CALR: variants seen among roughly 807,000 people sequenced by gnomAD.
CALR encodes the protein CRP55.
CALR carries 15 observed loss-of-function variants against 51.1 expected under a neutral mutation model. That is an observed-to-expected ratio of 0.29 (90% CI 0.20 to 0.45). The LOEUF is 0.45. Ranked by LOEUF, CALR falls within the 20% of genes least tolerant of loss-of-function variation. The pLI, the probability that CALR is intolerant of heterozygous loss-of-function variation, is 1.00. For missense variants in CALR, 477 were observed against 530.6 expected (o/e 0.90, Z 0.99); for synonymous variants, 239 against 205.9 (o/e 1.16, Z -1.38).
chr19:12,939,579 T>C lies in CALR; in HGVS notation c.345T>C (p.Asn115=). 6.2e-7 allele frequency: 1 copy of C among 1,614,112 alleles called. No homozygotes were observed. Among genetic ancestry groups the C allele is most frequent in the Non-Finnish European group, 8.5e-7 (1 of 1,180,018 alleles). ...CGGGYVKLFP[N]SLDQTDMHGD... is the part of the protein sequence containing the mutation. ...GCGGCTATGTGAAGCTGTTTCCTAA[T>C]AGTTTGGACCAGACAGACATGCACG... The change falls in exon 3 of 9, where the codon AAT becomes AAC. Residue 115 remains asparagine, a synonymous_variant. Coordinates refer to ENST00000316448, the MANE Select transcript of CALR (RefSeq NM_004343.4).
chr19:12,943,399 A>C (rs1338140775), intron 7 of CALR, 138 bp from the exon 8 acceptor site: 1 of 775,454 alleles, frequency 1.3e-6, no homozygotes, highest in African/African-American at 1.7e-5. Context: ...TTTTAACTGC[A>C]GTGTCAGCGG....
At position 12,944,191 on chromosome 19, in the gene CALR, T is replaced by A. The variant is rs546277059; in HGVS notation, c.*278T>A. ...TGATCAACATCTTTTCTTGCCTCTG[T>A]CCCCTTCTCTCATCTCTTAGCTCCC... On this transcript the variant is annotated 3_prime_UTR_variant, in exon 9 of 9. Transcript: ENST00000316448. 14 of 539,996 alleles carry A rather than the reference T, an allele frequency of 2.6e-5. No individual in the cohort carries two copies. In the African/African-American group the frequency reaches 2.7e-4, roughly 10 times the overall value. 33.5% of individuals were successfully genotyped at this position (539,996 alleles called of 1,614,324 possible).
chr19:12,942,168 G>A (rs1386313932), intron 7 of CALR, among the ~76,000 whole-genome samples: 1 of 151,868 alleles, frequency 6.6e-6, no homozygotes, highest in Non-Finnish European at 1.5e-5. Context: ...GACCATCCTG[G>A]CTAACATGGT....
intron 7 of CALR, among the ~76,000 whole-genome samples, chr19:12,941,996 G>A (rs1010054439): frequency 2.6e-5 from 4 of 152,078 alleles, no homozygotes; most frequent in Non-Finnish European, 4.4e-5. Context: ...CTGGGGCATC[G>A]AGGCTGCAGT....
rs773666399 is a variant in CALR, at chr19:12,940,532, A to G, written c.703-9A>G. The G allele has an allele frequency of 3.1e-6, 5 of 1,613,402 alleles. No individual in the cohort carries two copies. Among genetic ancestry groups the G allele is most frequent in the Non-Finnish European group, 3.4e-6 (4 of 1,179,604 alleles). On this transcript the variant is annotated splice_polypyrimidine_tract_variant and intron_variant, in intron 5 of 8. Coordinates refer to ENST00000316448, the MANE Select transcript of CALR (RefSeq NM_004343.4). ...TGGGCCAACTCTGATCTCTTCATCT[A>G]CCCCCCAGGACTGGGACAAGCCCGA...
rs767866498 is a variant in CALR at position 12,943,926 on chromosome 19, C to G, written c.*13C>G. ...GGACGAGCTGTAGAGAGGCCTGCCTCCAGGGCTGGACTGAGGCCTGAGCGC... is the reference window on the plus strand; with the variant it reads ...GGACGAGCTGTAGAGAGGCCTGCCTGCAGGGCTGGACTGAGGCCTGAGCGC... On this transcript the variant is annotated 3_prime_UTR_variant, in exon 9 of 9. Transcript: ENST00000316448. 1 of 1,603,948 alleles carries G rather than the reference C, an allele frequency of 6.2e-7. No homozygotes were observed. Among genetic ancestry groups the G allele is most frequent in the Non-Finnish European group, 8.5e-7 (1 of 1,176,658 alleles).
intron 7 of CALR, chr19:12,943,333 C>T: frequency 3.3e-6 from 2 of 614,768 alleles, no homozygotes; most frequent in South Asian, 3.6e-5. Flanking sequence ...ATCCGCCCAC[C>T]TTGGCCTCTG....
In CALR at chr19:12,944,007, C is replaced by T. The variant is rs542543565; in HGVS notation, c.*94C>T. Reference sequence around the variant, plus strand: ...TGTCTCTGTGAGACTCGAGAACTTTCATTTTTTTCCAGGCTGGTTCGGATT... The same window carrying T: ...TGTCTCTGTGAGACTCGAGAACTTTTATTTTTTTCCAGGCTGGTTCGGATT... On this transcript the variant is annotated 3_prime_UTR_variant, in exon 9 of 9. Coordinates refer to ENST00000316448, the MANE Select transcript of CALR (RefSeq NM_004343.4). 3 of 1,557,916 alleles carry T rather than the reference C, an allele frequency of 1.9e-6. No individual in the cohort carries two copies. The South Asian group carries it at 3.5e-5, about 18-fold the overall frequency.
intron 3 of CALR, 141 bp from the exon 4 acceptor site, chr19:12,939,912 G>A: frequency 6.7e-6 from 5 of 751,564 alleles, no homozygotes; most frequent in Non-Finnish European, 1.2e-5. Flanking sequence ...GCCCATTCAG[G>A]ACAGAATCAG....
chr19:12,944,228 G>A lies in CALR; in HGVS notation c.*315G>A. The A allele has an allele frequency of 2.1e-6, 1 of 479,958 alleles. No homozygotes were observed. The highest frequency in any genetic ancestry group is 3.8e-6 in the Non-Finnish European group (1 of 263,592). 29.7% of individuals were successfully genotyped at this position (479,958 alleles called of 1,614,324 possible). A position where few individuals can be genotyped will look rare whatever the true frequency, so the allele number is the denominator to read the frequency against. On this transcript the variant is annotated 3_prime_UTR_variant, in exon 9 of 9. Transcript: ENST00000316448. Reference sequence around the variant, plus strand: ...ATCTCTTAGCTCCCCTCCAACCTGGGGGGCAGTGGTGTGGAGAAGCCACAG... The same window carrying A: ...ATCTCTTAGCTCCCCTCCAACCTGGAGGGCAGTGGTGTGGAGAAGCCACAG...
In CALR at chr19:12,943,569, C is replaced by T. The variant is rs1277184998; in HGVS notation, c.993C>T (p.Leu331=). The T allele has an allele frequency of 6.2e-7, 1 of 1,614,170 alleles. No individual in the cohort carries two copies. The highest frequency in any genetic ancestry group is 8.5e-7 in the Non-Finnish European group (1 of 1,180,028). The change falls in exon 8 of 9, where the codon CTC becomes CTT. Residue 331 remains leucine (L), a synonymous_variant. Coordinates refer to ENST00000316448, the MANE Select transcript of CALR (RefSeq NM_004343.4). ...VKSGTIFDNF[L]ITNDEAYAEE... is the part of the protein sequence containing the mutation. ...CTGGCACCATCTTTGACAACTTCCT[C>T]ATCACCAACGATGAGGCATACGCTG...
chr19:12,943,855 A>C lies in CALR; in HGVS notation c.1196A>C (p.Glu399Ala). The change falls in exon 9 of 9, where the codon GAG becomes GCG. Residue 399 changes from glutamate (E) to alanine (A), a missense_variant. Coordinates refer to ENST00000316448, the MANE Select transcript of CALR (RefSeq NM_004343.4). ...EDKDEDEEDE[E>A]DKEEDEEEDV... Reference sequence around the variant, plus strand: ...AAAGATGAGGATGAGGAGGATGAGGAGGACAAGGAGGAAGATGAGGAGGAA... The same window carrying C: ...AAAGATGAGGATGAGGAGGATGAGGCGGACAAGGAGGAAGATGAGGAGGAA... 2 of 1,581,916 alleles carry C rather than the reference A, an allele frequency of 1.3e-6. No homozygotes were observed. The highest frequency in any genetic ancestry group is 1.7e-6 in the Non-Finnish European group (2 of 1,163,938).
In CALR at chr19:12,939,637, G is replaced by A. The variant is rs1241403014; in HGVS notation, c.397+6G>A. The A allele has an allele frequency of 9.9e-6, 16 of 1,611,340 alleles. No homozygotes were observed. The Admixed American group carries it at 2.5e-4, about 25-fold the overall frequency. ...AGAATACAACATCATGTTTGGTGAG[G>A]GCCTGCTTCCTGGTGCTGATCTCTG... On this transcript the variant is annotated splice_donor_region_variant and intron_variant, in intron 3 of 8. Coordinates refer to ENST00000316448, the MANE Select transcript of CALR (RefSeq NM_004343.4).
intron 4 of CALR, 26 bp downstream of exon 4, chr19:12,940,173 G>T: frequency 6.2e-7 from 1 of 1,611,454 alleles, no homozygotes; most frequent in Non-Finnish European, 8.5e-7. Context: ...GTGGCAAATG[G>T]CTGTCATGGG....
chr19:12,939,271 G>T, intron 2 of CALR, 36 bp downstream of exon 2: 1 of 1,504,874 alleles, frequency 6.6e-7, no homozygotes, highest in South Asian at 1.2e-5. Context: ...GATCCGGGAG[G>T]ACTTCCTGGC....
At chr19:12,941,834 C>T (rs1971551992) in intron 7 of CALR, among the ~76,000 whole-genome samples, 1 of 151,234 alleles carries the variant, frequency 6.6e-6, no homozygotes, top group South Asian at 2.1e-4. Flanking sequence ...GAACTCCTGG[C>T]CTCAGGTCAT....
At chr19:12,942,574 A>G (rs1971563415) in intron 7 of CALR, among the ~76,000 whole-genome samples, 1 of 150,758 alleles carries the variant, frequency 6.6e-6, no homozygotes, top group African/African-American at 2.4e-5. Context: ...TGGGCAGTAC[A>G]GCACCTGAGT....
rs766631731 is a variant in CALR, at chr19:12,939,502, A to G, written c.268A>G (p.Thr90Ala). Reference sequence around the variant, plus strand: ...CGAGCCTTTCAGCAACAAAGGCCAGACGCTGGTGGTGCAGTTCACGGTGAA... The same window carrying G: ...CGAGCCTTTCAGCAACAAAGGCCAGGCGCTGGTGGTGCAGTTCACGGTGAA... ...SFEPFSNKGQ[T>A]LVVQFTVKHE... Residue 90 changes from threonine to alanine, a missense_variant, in exon 3 of 9, where the codon ACG becomes GCG. Physicochemically the swap from Thr to Ala is moderately conservative, Grantham distance 58. Coordinates refer to ENST00000316448, the MANE Select transcript of CALR (RefSeq NM_004343.4). 3 of 1,613,232 alleles carry G rather than the reference A, an allele frequency of 1.9e-6. No individual in the cohort carries two copies. Among genetic ancestry groups the G allele is most frequent in the Non-Finnish European group, 1.7e-6 (2 of 1,180,022 alleles).
At chr19:12,942,564 T>C (rs1309287116) in intron 7 of CALR, among the ~76,000 whole-genome samples, 1 of 150,338 alleles carries the variant, frequency 6.7e-6, no homozygotes, top group Non-Finnish European at 1.5e-5. Context: ...GGTTTGAACC[T>C]GGGCAGTACA....
Sources: allele counts gnomAD v4.1 joint callset (sites outside exome capture counted in the v4.1 genomes callset), GRCh38; gene constraint gnomAD v4.1.1; transcripts MANE v1.5; gene names NCBI Gene and HGNC (gene_info 2026-07-23, HGNC 2026-07-21).